Variants in RPS6KC1 observed in about 807,000 individuals in gnomAD.
The protein encoded by RPS6KC1 is inactive ribosomal protein S6 kinase delta-1.
RPS6KC1 carries 54 observed loss-of-function variants against 103.8 expected under a neutral mutation model. The ratio of observed to expected loss-of-function variants is 0.52; its 90% CI spans 0.42 to 0.65. The LOEUF (loss-of-function observed/expected upper bound fraction) is 0.65. RPS6KC1 is among the 30% of genes least tolerant of loss of function. The probability of loss-of-function intolerance (pLI) is 0.00; values close to 1 mark genes in which losing one functional copy is unlikely to be tolerated. For missense variants in RPS6KC1, 1,151 were observed against 1,253.8 expected (o/e 0.92, Z 1.24); for synonymous variants, 439 against 438.7 (o/e 1.00, Z -0.01).
At chr1:213,323,904 T>G in the RPS6KC1 span, among the ~76,000 whole-genome samples, 2 of 152,212 alleles carry the variant, frequency 1.3e-5, no homozygotes, top group African/African-American at 2.4e-5. Flanking sequence ...ACTCTTGGTG[T>G]TGTACATTCT....
chr1:213,585,534 C>A, the RPS6KC1 span, among the ~76,000 whole-genome samples: 1 of 152,208 alleles, frequency 6.6e-6, no homozygotes, highest in East Asian at 1.9e-4. Flanking sequence ...GCAACTCCTG[C>A]CCAGTCTGAA....
In RPS6KC1 at chr1:213,193,693, C is replaced by T. The variant is rs560879963; in HGVS notation, c.1044+17201C>T. Among the ~76,000 whole-genome samples, 8 of 152,110 alleles carry T rather than the reference C, an allele frequency of 5.3e-5. No homozygotes were observed. In the South Asian group the frequency reaches 6.2e-4, roughly 12 times the overall value. On this transcript the variant is annotated intron_variant, in intron 8 of 14. Coordinates refer to ENST00000366960, the MANE Select transcript of RPS6KC1 (RefSeq NM_012424.6). Reference sequence around the variant, plus strand: ...CTACGTCACCCAGGCTGGAGTGTGGCGGCAAGATCTCGGCTTACTGCAACC... The same window carrying T: ...CTACGTCACCCAGGCTGGAGTGTGGTGGCAAGATCTCGGCTTACTGCAACC...
At chr1:213,372,713 C>T in the RPS6KC1 span, among the ~76,000 whole-genome samples, 1 of 152,156 alleles carries the variant, frequency 6.6e-6, no homozygotes, top group African/African-American at 2.4e-5. Context: ...TATATTTTCA[C>T]CACCTGTTCT....
the RPS6KC1 span, among the ~76,000 whole-genome samples, chr1:213,493,029 C>T: frequency 6.6e-6 from 1 of 152,132 alleles, no homozygotes; most frequent in Non-Finnish European, 1.5e-5. Context: ...GGTGATGGTG[C>T]TTGTGATGTT....
At chr1:213,678,532 G>C in the RPS6KC1 span, among the ~76,000 whole-genome samples, 26 of 152,214 alleles carry the variant, frequency 1.7e-4, no homozygotes, top group Non-Finnish European at 3.4e-4. Context: ...CCAGAGGGCA[G>C]CTAGGCATGT....
intron 3 of RPS6KC1, among the ~76,000 whole-genome samples, chr1:213,101,076 A>G (rs1297661744): frequency 2.0e-5 from 3 of 152,086 alleles, no homozygotes; most frequent in South Asian, 2.1e-4. Flanking sequence ...ATTCTGTGCA[A>G]CCTCGCCAGC....
At chr1:213,597,403 G>A in the RPS6KC1 span, among the ~76,000 whole-genome samples, 1 of 152,186 alleles carries the variant, frequency 6.6e-6, no homozygotes, top group African/African-American at 2.4e-5. Flanking sequence ...GTGGGGCCAT[G>A]GGCTACATCC....
In RPS6KC1 at chr1:213,241,901, G is replaced by C; in HGVS notation, c.2425G>C (p.Val809Leu). The change falls in exon 11 of 15, where the codon GTA becomes CTA. Residue 809 changes from valine (V) to leucine (L), a missense_variant. Physicochemically the swap from Val to Leu is conservative, Grantham distance 32 (BLOSUM62 1). Transcript: ENST00000366960. ...FQGLGVVESA[V>L]TANNTEESLF... ...AGGACTTGGAGTGGTTGAGTCAGCA[G>C]TAACTGCAAACAACACAGAAGAAAG... The C allele has an allele frequency of 6.2e-7, 1 of 1,614,000 alleles. No individual in the cohort carries two copies.
the RPS6KC1 span, among the ~76,000 whole-genome samples, chr1:213,627,783 A>G: frequency 1.3e-5 from 2 of 152,212 alleles, no homozygotes; most frequent in Admixed American, 6.5e-5. Context: ...CCACTTGATC[A>G]TGATGGATAA....
At chr1:213,115,924 G>A (rs1391914348) in intron 4 of RPS6KC1, among the ~76,000 whole-genome samples, 3 of 151,814 alleles carry the variant, frequency 2.0e-5, no homozygotes, top group African/African-American at 7.3e-5. Flanking sequence ...GAGATATTTT[G>A]TTATAATTTC....
the RPS6KC1 span, among the ~76,000 whole-genome samples, chr1:213,675,783 A>G: frequency 6.6e-6 from 1 of 152,210 alleles, no homozygotes; most frequent in Non-Finnish European, 1.5e-5. Context: ...AGGCTGAGGC[A>G]GGAGAATCAC....
chr1:213,795,434 C>T, the RPS6KC1 span, among the ~76,000 whole-genome samples: 2 of 152,176 alleles, frequency 1.3e-5, no homozygotes, highest in Non-Finnish European at 2.9e-5. Context: ...TGGGGAGTTA[C>T]ATATGTCAGG....
the RPS6KC1 span, among the ~76,000 whole-genome samples, chr1:213,746,304 G>A: frequency 2.6e-5 from 4 of 152,228 alleles, no homozygotes; most frequent in Admixed American, 1.3e-4. Flanking sequence ...AGACTGCAGG[G>A]AGGTGAGGGA....
the RPS6KC1 span, among the ~76,000 whole-genome samples, chr1:213,718,409 G>A: frequency 6.6e-6 from 1 of 152,186 alleles, no homozygotes; most frequent in African/African-American, 2.4e-5. Flanking sequence ...AGCCCTATGA[G>A]GTTGAGTTAT....
the RPS6KC1 span, among the ~76,000 whole-genome samples, chr1:213,796,143 G>A: frequency 6.6e-6 from 1 of 152,152 alleles, no homozygotes. Flanking sequence ...CAAAGGGATG[G>A]GATGCGTTTC....
At chr1:213,579,575 T>C in the RPS6KC1 span, among the ~76,000 whole-genome samples, 4 of 152,070 alleles carry the variant, frequency 2.6e-5, no homozygotes, top group Non-Finnish European at 2.9e-5. Context: ...CAGACTTTTA[T>C]TGGAAGAAGA....
chr1:213,208,823 G>A (rs1382238545), intron 8 of RPS6KC1, among the ~76,000 whole-genome samples: 1 of 151,500 alleles, frequency 6.6e-6, no homozygotes, highest in African/African-American at 2.4e-5. Context: ...TCTTCTGCTT[G>A]TGTAGAAAAG....
chr1:213,636,284 G>A, the RPS6KC1 span, among the ~76,000 whole-genome samples: 1 of 152,018 alleles, frequency 6.6e-6, no homozygotes, highest in African/African-American at 2.4e-5. Flanking sequence ...AGTTCATATG[G>A]AACCAAAAAA....
the RPS6KC1 span, among the ~76,000 whole-genome samples, chr1:213,301,390 A>G: frequency 1.3e-5 from 2 of 152,234 alleles, no homozygotes; most frequent in African/African-American, 4.8e-5. Context: ...ATTACTCATT[A>G]TAGACAATGG....
Sources: allele counts gnomAD v4.1 joint callset (sites outside exome capture counted in the v4.1 genomes callset), GRCh38; gene constraint gnomAD v4.1.1; transcripts MANE v1.5; gene names NCBI Gene and HGNC (gene_info 2026-07-23, HGNC 2026-07-21).